ZFPM2: variants seen among roughly 807,000 people sequenced by gnomAD.
The protein encoded by ZFPM2 is zinc finger protein ZFPM2.
Under a neutral mutation model 98.6 loss-of-function variants are expected in ZFPM2, and 20 were observed. The observed-to-expected ratio is 0.20, with a 90% CI of 0.14 to 0.29. The LOEUF is 0.29. Ranked by LOEUF, ZFPM2 falls within the 10% of genes least tolerant of loss-of-function variation. ZFPM2 has a pLI of 1.00. For synonymous variants in ZFPM2, 518 were observed against 502.7 expected, an observed-to-expected ratio of 1.03 and a Z score of -0.41; for missense variants, 1,310 against 1,388.6, an observed-to-expected ratio of 0.94 and a Z score of 0.90.
intron 1 of ZFPM2, among the ~76,000 whole-genome samples, chr8:105,328,246 T>A (rs911420530): frequency 2.0e-5 from 3 of 151,814 alleles, no homozygotes; most frequent in African/African-American, 7.2e-5. Flanking sequence ...GGGGGATGGA[T>A]GTATATTGAC....
chr8:105,375,156 AAAAAC>A (rs1810698697), intron 1 of ZFPM2, among the ~76,000 whole-genome samples: 3 of 152,212 alleles, frequency 2.0e-5, no homozygotes, highest in Admixed American at 2.0e-4. Context: ...TGGATAGGAA[AAAAAC>A]AAAACAAAAA....
intron 1 of ZFPM2, among the ~76,000 whole-genome samples, chr8:105,368,563 AT>A (rs886650265): frequency 5.3e-5 from 8 of 151,888 alleles, no homozygotes; most frequent in Admixed American, 4.6e-4. Context: ...AGGTTTTTAA[AT>A]TTTTTTTTCT....
At position 105,551,356 on chromosome 8, in the gene ZFPM2, C is replaced by T. The variant is rs1814848380; in HGVS notation, c.302-10007C>T. Among the ~76,000 whole-genome samples, 5 of 152,142 alleles carry T rather than the reference C, an allele frequency of 3.3e-5. No individual in the cohort carries two copies. The South Asian group carries it at 1.0e-3, about 32-fold the overall frequency. On this transcript the variant is annotated intron_variant, in intron 3 of 7. Coordinates refer to ENST00000407775, the MANE Select transcript of ZFPM2 (RefSeq NM_012082.4). Reference sequence around the variant, plus strand: ...GAACTCAAGGAATGAACTCAAGTATCCTAGGGTCTATATTCATTGGTTATA... The same window carrying T: ...GAACTCAAGGAATGAACTCAAGTATTCTAGGGTCTATATTCATTGGTTATA...
Position 105,738,790 on chromosome 8 carries a change from A to G in ZFPM2, c.533-49928A>G, listed in dbSNP as rs372627265. On this transcript the variant is annotated intron_variant, in intron 5 of 7. Coordinates refer to ENST00000407775, the MANE Select transcript of ZFPM2 (RefSeq NM_012082.4). ...CCAGTGATGTCAAGCTTTTTTTTTCATATGAAAAAGCAGCTAAATTTAAAT... is the reference window on the plus strand; with the variant it reads ...CCAGTGATGTCAAGCTTTTTTTTTCGTATGAAAAAGCAGCTAAATTTAAAT... 3.9e-5 allele frequency among the ~76,000 whole-genome samples: 6 copies of G among 151,964 alleles called. No individual in the cohort carries two copies. In the South Asian group the frequency reaches 6.2e-4, roughly 16 times the overall value.
intron 5 of ZFPM2, chr8:105,784,828 A>G (rs1360168584): frequency 6.9e-6 from 1 of 145,678 alleles, no homozygotes; most frequent in Non-Finnish European, 1.5e-5. Context: ...TTTTATTAGC[A>G]TCAGTAATTG....
Position 105,459,472 on chromosome 8 carries a change from A to G in ZFPM2, c.301+15091A>G, listed in dbSNP as rs1202231997. On this transcript the variant is annotated intron_variant, in intron 3 of 7. Transcript: ENST00000407775. ...ACCAAACTCCACTACTTTCCCCCCA[A>G]TTTGGGGTATGTATTGGCCTGCTCA... is the stretch of plus-strand genomic sequence containing the variant. Among the ~76,000 whole-genome samples the G allele has an allele frequency of 3.9e-5, 6 of 152,058 alleles. No individual in the cohort carries two copies. The East Asian group carries it at 7.7e-4, about 20-fold the overall frequency.
Position 105,320,808 on chromosome 8 carries a change from G to A in ZFPM2, c.40+1827G>A, listed in dbSNP as rs1327016860. 2.0e-5 allele frequency among the ~76,000 whole-genome samples: 3 copies of A among 152,028 alleles called. No homozygotes were observed. In the East Asian group the frequency reaches 5.8e-4, roughly 29 times the overall value. On this transcript the variant is annotated intron_variant, in intron 1 of 7. Coordinates refer to ENST00000407775, the MANE Select transcript of ZFPM2 (RefSeq NM_012082.4). ...GAAACTAATTGCTGATGCTACTCTT[G>A]TGTTACAAGTCATAAAACATTTTAG...
intron 5 of ZFPM2, among the ~76,000 whole-genome samples, chr8:105,754,220 A>T (rs1812544178): frequency 6.6e-6 from 1 of 152,150 alleles, no homozygotes; most frequent in African/African-American, 2.4e-5. Context: ...TTACAGTTAT[A>T]CACGATGAGG....
At chr8:105,680,844 G>A (rs1810583498) in intron 5 of ZFPM2, among the ~76,000 whole-genome samples, 1 of 151,934 alleles carries the variant, frequency 6.6e-6, no homozygotes, top group Non-Finnish European at 1.5e-5. Flanking sequence ...TAACATGAAA[G>A]TAAAAATTAT....
chr8:105,645,437 A>G (rs1191264725), intron 5 of ZFPM2, among the ~76,000 whole-genome samples: 1 of 152,100 alleles, frequency 6.6e-6, no homozygotes, highest in Non-Finnish European at 1.5e-5. Context: ...TGTCCTGTGC[A>G]TTGTTTCTTT....
chr8:105,611,600 A>G (rs1413661905), intron 4 of ZFPM2, among the ~76,000 whole-genome samples: 1 of 152,146 alleles, frequency 6.6e-6, no homozygotes, highest in East Asian at 1.9e-4. Flanking sequence ...CAGAGATGGG[A>G]GAAGGCTGAA....
intron 1 of ZFPM2, among the ~76,000 whole-genome samples, chr8:105,341,210 G>A (rs565742828): frequency 1.1e-4 from 17 of 151,884 alleles, no homozygotes; most frequent in East Asian, 3.9e-4. Flanking sequence ...GCACAAATCC[G>A]TCCAAAATAA....
In ZFPM2 at chr8:105,444,201, A is replaced by G. The variant is rs981042148; in HGVS notation, c.200-79A>G. On this transcript the variant is annotated intron_variant, in intron 2 of 7. Coordinates refer to ENST00000407775, the MANE Select transcript of ZFPM2 (RefSeq NM_012082.4). ...ACCTGTAATTAGATATATGATAAGG[A>G]CATCCCTTTATGAGGGTGTGAATGT... 5 of 1,063,992 alleles carry G rather than the reference A, an allele frequency of 4.7e-6. No homozygotes were observed. The African/African-American group carries it at 4.7e-5, about 10-fold the overall frequency. 65.9% of individuals were successfully genotyped at this position (1,063,992 alleles called of 1,614,324 possible).
chr8:105,511,770 C>T (rs945528508), intron 3 of ZFPM2, among the ~76,000 whole-genome samples: 1 of 152,200 alleles, frequency 6.6e-6, no homozygotes, highest in Non-Finnish European at 1.5e-5. Context: ...TTACAGAAAT[C>T]ACTTGGTCAG....
chr8:105,606,260 T>G (rs2130791666), intron 4 of ZFPM2, among the ~76,000 whole-genome samples: 1 of 152,220 alleles, frequency 6.6e-6, no homozygotes, highest in Middle Eastern at 3.4e-3. Flanking sequence ...AAGAGGACAC[T>G]TTTTTATATT....
chr8:105,325,490 G>A (rs1284406462), intron 1 of ZFPM2, among the ~76,000 whole-genome samples: 2 of 151,504 alleles, frequency 1.3e-5, no homozygotes, highest in Non-Finnish European at 3.0e-5. Context: ...CACCATTATC[G>A]GCACTAGGAT....
intron 1 of ZFPM2, among the ~76,000 whole-genome samples, chr8:105,353,752 A>G (rs887968910): frequency 6.6e-6 from 1 of 152,200 alleles, no homozygotes; most frequent in South Asian, 2.1e-4. Flanking sequence ...AACGTTTATC[A>G]TTAGAACTCC....
intron 5 of ZFPM2, among the ~76,000 whole-genome samples, chr8:105,674,115 G>A (rs1359909102): frequency 6.6e-6 from 1 of 152,176 alleles, no homozygotes; most frequent in African/African-American, 2.4e-5. Flanking sequence ...TTATTACACT[G>A]TGCTCACCAT....
intron 4 of ZFPM2, among the ~76,000 whole-genome samples, chr8:105,578,213 G>A (rs1285612840): frequency 4.6e-5 from 7 of 151,984 alleles, no homozygotes; most frequent in African/African-American, 1.7e-4. Context: ...TGCTTTGACA[G>A]CATCTAAAGG....
Sources: gnomAD v4.1 joint callset for allele counts (sites outside exome capture counted in the v4.1 genomes callset) on GRCh38, gnomAD v4.1.1 for gene constraint, MANE v1.5 for transcripts, NCBI Gene and HGNC (gene_info 2026-07-23, HGNC 2026-07-21) for gene names.